Variants in UBXN4 observed in about 807,000 individuals in gnomAD.
UBXN4 encodes the protein UBX domain-containing protein 4.
A neutral mutation model predicts 66.2 loss-of-function variants in UBXN4; 35 were observed. That is an observed-to-expected ratio of 0.53 (90% CI 0.40 to 0.70). The LOEUF (loss-of-function observed/expected upper bound fraction) is 0.70. Among genes scored for constraint, UBXN4 ranks in the 30% least tolerant of loss-of-function variants. UBXN4 has a pLI of 0.00. For synonymous variants in UBXN4, 203 were observed against 204.5 expected, an observed-to-expected ratio of 0.99 and a Z score of 0.06; for missense variants, 533 against 599.8, an observed-to-expected ratio of 0.89 and a Z score of 1.16.
intron 5 of UBXN4, among the ~76,000 whole-genome samples, chr2:135,757,989 T>C (rs1179514977): frequency 4.0e-5 from 6 of 151,874 alleles, no homozygotes; most frequent in African/African-American, 1.5e-4. Flanking sequence ...TAGCTCACTA[T>C]AATCTCCAAC....
At chr2:135,780,995 C>T (rs1038382658) in intron 12 of UBXN4, among the ~76,000 whole-genome samples, 1 of 152,142 alleles carries the variant, frequency 6.6e-6, no homozygotes, top group African/African-American at 2.4e-5. Context: ...GAGGCTGAGG[C>T]GAGAGAATTA....
chr2:135,763,172 A>G (rs1180915265), intron 6 of UBXN4, among the ~76,000 whole-genome samples: 3 of 152,210 alleles, frequency 2.0e-5, no homozygotes, highest in Non-Finnish European at 4.4e-5. Context: ...GACAATAACT[A>G]ATAACACCAG....
chr2:135,782,803 G>A lies in UBXN4; in HGVS notation c.1443G>A (p.Glu481=), dbSNP rs754870341. 5 of 1,613,968 alleles carry A rather than the reference G, an allele frequency of 3.1e-6. No homozygotes were observed. Among genetic ancestry groups the A allele is most frequent in the Non-Finnish European group, 4.2e-6 (5 of 1,179,936 alleles). Residue 481 remains glutamate, a synonymous_variant, in exon 13 of 13, where the codon GAG becomes GAA. Transcript: ENST00000272638. ...AACGTGGAGACGACTTTAAAAAGGA[G>A]GGGAAAATTTATAGATTAAGGACTC... ...LEKRGDDFKK[E]GKIYRLRTQD... is the part of the protein sequence containing the mutation.
chr2:135,772,354 G>T, intron 8 of UBXN4, 66 bp from the exon 9 acceptor site: 1 of 1,567,856 alleles, frequency 6.4e-7, no homozygotes, highest in Non-Finnish European at 8.7e-7. Context: ...ATGCATATTT[G>T]TTTGGAATTG....
chr2:135,783,087 C>A lies in UBXN4; in HGVS notation c.*200C>A. 1 of 498,518 alleles carries A rather than the reference C, an allele frequency of 2.0e-6. No homozygotes were observed. The highest frequency in any genetic ancestry group is 3.4e-6 in the Non-Finnish European group (1 of 295,474). 30.9% of individuals were successfully genotyped at this position (498,518 alleles called of 1,614,324 possible). ...GAAATAACTCTCTGCTAGGTCCTTG[C>A]TTATATGGCAACCACTGCTAGAACC... is the stretch of plus-strand genomic sequence containing the variant. On this transcript the variant is annotated 3_prime_UTR_variant, in exon 13 of 13. Coordinates refer to ENST00000272638, the MANE Select transcript of UBXN4 (RefSeq NM_014607.4).
At chr2:135,760,330 G>A (rs780620848) in intron 5 of UBXN4, among the ~76,000 whole-genome samples, 2 of 152,038 alleles carry the variant, frequency 1.3e-5, no homozygotes, top group Non-Finnish European at 2.9e-5. Flanking sequence ...ACTAGGGAGG[G>A]TGAAGTAGGA....
chr2:135,762,418 C>T (rs2077320875), intron 6 of UBXN4, among the ~76,000 whole-genome samples: 1 of 152,154 alleles, frequency 6.6e-6, no homozygotes, highest in African/African-American at 2.4e-5. Context: ...GTGATTCCTA[C>T]ATGAGTTAAT....
Position 135,772,994 on chromosome 2 carries a change from G to A in UBXN4, c.950+447G>A, listed in dbSNP as rs371258199. 9.4e-4 allele frequency among the ~76,000 whole-genome samples: 118 copies of A among 126,178 alleles called. 2 individuals are homozygous for A. The South Asian group carries it at 0.021, about 22-fold the overall frequency. The allele number at this position is 126,178 out of a possible 152,430, so 82.8% of individuals were successfully genotyped here. A position where few individuals can be genotyped will look rare whatever the true frequency, so the allele number is the denominator to read the frequency against. ...GGAGCTTGCAGTGAGCCGAGATTGCGCCACTGCACTCCAGCCTGGGCGACA... is the reference window on the plus strand; with the variant it reads ...GGAGCTTGCAGTGAGCCGAGATTGCACCACTGCACTCCAGCCTGGGCGACA... On this transcript the variant is annotated intron_variant, in intron 9 of 12. Coordinates refer to ENST00000272638, the MANE Select transcript of UBXN4 (RefSeq NM_014607.4).
chr2:135,779,348 CAGTA>C (rs2077436276), intron 11 of UBXN4, among the ~76,000 whole-genome samples: 1 of 152,060 alleles, frequency 6.6e-6, no homozygotes, highest in Admixed American at 6.6e-5. Flanking sequence ...TAGGAGAAGA[CAGTA>C]AGAAATGCAG....
chr2:135,772,327 TA>T (rs200613240), intron 8 of UBXN4, 92 bp from the exon 9 acceptor site: 32,669 of 1,029,272 alleles, frequency 0.032, no homozygotes, highest in South Asian at 0.037. Flanking sequence ...TGTCTCTTAA[TA>T]AAAAAAAAAA....
chr2:135,751,710 A>C (rs1271198897), intron 2 of UBXN4, among the ~76,000 whole-genome samples: 1 of 151,754 alleles, frequency 6.6e-6, no homozygotes, highest in East Asian at 1.9e-4. Flanking sequence ...ATTAGTAGGA[A>C]ATGCGTAAAA....
intron 1 of UBXN4, chr2:135,742,658 C>T (rs1391638799): frequency 1.3e-5 from 2 of 152,278 alleles, no homozygotes; most frequent in Non-Finnish European, 2.9e-5. Context: ...GGGAAGAAAG[C>T]TGTGTCATCG....
At position 135,753,577 on chromosome 2, in the gene UBXN4, C is replaced by A; in HGVS notation, c.214+10C>A. 1.3e-6 allele frequency: 2 copies of A among 1,530,512 alleles called. No homozygotes were observed. Among genetic ancestry groups the A allele is most frequent in the Non-Finnish European group, 1.7e-6 (2 of 1,149,758 alleles). 94.8% of individuals were successfully genotyped at this position (1,530,512 alleles called of 1,614,324 possible). On this transcript the variant is annotated intron_variant, in intron 3 of 12. Coordinates refer to ENST00000272638, the MANE Select transcript of UBXN4 (RefSeq NM_014607.4). ...CAGTTTTCACAAATCTGTATCCTTT[C>A]AGTAAAGAATGGCTTATATATATAC...
At chr2:135,757,436 A>C (rs1475040889) in intron 5 of UBXN4, among the ~76,000 whole-genome samples, 1 of 152,168 alleles carries the variant, frequency 6.6e-6, no homozygotes, top group Non-Finnish European at 1.5e-5. Context: ...TCTACGTTTT[A>C]TTCTTTTAAT....
intron 5 of UBXN4, among the ~76,000 whole-genome samples, chr2:135,756,477 T>G (rs928102335): frequency 2.0e-5 from 3 of 152,206 alleles, no homozygotes; most frequent in African/African-American, 7.2e-5. Flanking sequence ...CTGTTAACAT[T>G]AATGCTGCCT....
intron 5 of UBXN4, 110 bp downstream of exon 5, chr2:135,755,801 TTTAAC>T: frequency 1.4e-6 from 1 of 737,298 alleles, no homozygotes; most frequent in South Asian, 6.6e-5. Flanking sequence ...TTCACATTTA[TTTAAC>T]TTAAAATTTA....
Position 135,741,887 on chromosome 2 carries a change from C to T in UBXN4, c.-43C>T, listed in dbSNP as rs1198663785. On this transcript the variant is annotated 5_prime_UTR_variant, in exon 1 of 13. Coordinates refer to ENST00000272638, the MANE Select transcript of UBXN4 (RefSeq NM_014607.4). ...GAGGGCGGAGCCGGCTTCGGGACTG[C>T]GGAGACTACACACCGAGCGAGCGCC... 1.3e-6 allele frequency: 2 copies of T among 1,585,572 alleles called. No homozygotes were observed. Among genetic ancestry groups the T allele is most frequent in the Non-Finnish European group, 1.7e-6 (2 of 1,165,900 alleles).
At chr2:135,762,259 T>G (rs1055526436) in intron 6 of UBXN4, among the ~76,000 whole-genome samples, 16 of 152,240 alleles carry the variant, frequency 1.1e-4, no homozygotes, top group African/African-American at 3.9e-4. Context: ...TTCATGACTA[T>G]GTACTGAGCT....
At chr2:135,747,553 G>A (rs2077216347) in intron 1 of UBXN4, 4 of 453,614 alleles carry the variant, frequency 8.8e-6, no homozygotes, top group Non-Finnish European at 8.9e-6. Flanking sequence ...GTCTACCTTG[G>A]ATTAATTTTG....
Sources: allele counts gnomAD v4.1 joint callset (sites outside exome capture counted in the v4.1 genomes callset), GRCh38; gene constraint gnomAD v4.1.1; transcripts MANE v1.5; gene names NCBI Gene and HGNC (gene_info 2026-07-23, HGNC 2026-07-21).